GRB10: variants seen among roughly 807,000 people sequenced by gnomAD.
The protein encoded by GRB10 is growth factor receptor-bound protein 10.
A neutral mutation model predicts 80.9 loss-of-function variants in GRB10; 20 were observed. The observed-to-expected ratio is 0.25, with a 90% CI of 0.17 to 0.36. The LOEUF is 0.36. GRB10 is among the 10% of genes least tolerant of loss of function. The pLI, the probability that GRB10 is intolerant of heterozygous loss-of-function variation, is 1.00. For missense variants in GRB10, 548 were observed against 747.7 expected (o/e 0.73, Z 3.12); for synonymous variants, 291 against 291.5 (o/e 1.00, Z 0.02).
At chr7:50,645,179 C>T (rs180863342) in intron 7 of GRB10, among the ~76,000 whole-genome samples, 130 of 152,270 alleles carry the variant, frequency 8.5e-4, no homozygotes, top group African/African-American at 2.7e-3. Flanking sequence ...ATACAGTTGA[C>T]GCTAATAATC....
At chr7:50,616,419 T>G in intron 10 of GRB10, 72 bp from the exon 11 acceptor site, 1 of 1,377,276 alleles carries the variant, frequency 7.3e-7, no homozygotes, top group East Asian at 2.4e-5. Flanking sequence ...GTTATCAGCA[T>G]AGCTGACATT....
At chr7:50,597,904 C>G (rs1429160444) in intron 17 of GRB10, among the ~76,000 whole-genome samples, 1 of 152,160 alleles carries the variant, frequency 6.6e-6, no homozygotes, top group Non-Finnish European at 1.5e-5. Context: ...GCTCTTGTCA[C>G]CCAGGCTGGA....
intron 1 of GRB10, 104 bp from the exon 2 acceptor site, chr7:50,780,840 A>T: frequency 6.6e-6 from 1 of 152,206 alleles, no homozygotes; most frequent in Non-Finnish European, 1.5e-5. Flanking sequence ...TTGTGGGAAC[A>T]CAAGTGTCAG....
In GRB10 at chr7:50,619,242, A is replaced by T. The variant is rs764113295; in HGVS notation, c.705T>A (p.Ser235Arg). Residue 235 changes from serine to arginine, a missense_variant, in exon 9 of 19, where the codon AGT becomes AGA. Around this residue, in one of 4 missense-constraint regions of GRB10, gnomAD observed 270 missense variants for 433.6 expected, o/e 0.62. Transcript: ENST00000401949. ...EDHELVVQVE[S>R]TMASESKFLF... ...GAAATTTACTCTCACTGGCCATGGT[A>T]CTCTCCACCTGGACCACCAGCTCAT... 1.2e-6 allele frequency: 2 copies of T among 1,613,386 alleles called. No homozygotes were observed. The highest frequency in any genetic ancestry group is 1.3e-5 in the African/African-American group (1 of 74,900).
At chr7:50,637,697 G>T (rs1586118859) in intron 7 of GRB10, among the ~76,000 whole-genome samples, 1 of 133,562 alleles carries the variant, frequency 7.5e-6, no homozygotes, top group Admixed American at 8.1e-5. Flanking sequence ...TAGAAAAAAA[G>T]ATTGTAAAGT....
At chr7:50,700,821 G>A (rs1318784430) in intron 5 of GRB10, among the ~76,000 whole-genome samples, 2 of 152,182 alleles carry the variant, frequency 1.3e-5, no homozygotes, top group Non-Finnish European at 2.9e-5. Flanking sequence ...CTGGGTCAAA[G>A]AACAAGCATG....
chr7:50,638,459 A>G (rs1452303470), intron 7 of GRB10, among the ~76,000 whole-genome samples: 1 of 152,250 alleles, frequency 6.6e-6, no homozygotes, highest in Non-Finnish European at 1.5e-5. Context: ...TCAAAAGAAG[A>G]CATACAAGCG....
At chr7:50,614,305 A>G (rs1283479050) in intron 12 of GRB10, among the ~76,000 whole-genome samples, 2 of 152,178 alleles carry the variant, frequency 1.3e-5, no homozygotes, top group Non-Finnish European at 2.9e-5. Flanking sequence ...TGTGCATGCC[A>G]GCACACACAT....
intron 5 of GRB10, among the ~76,000 whole-genome samples, chr7:50,695,658 G>A (rs986788543): frequency 6.6e-6 from 1 of 152,056 alleles, no homozygotes; most frequent in African/African-American, 2.4e-5. Context: ...CTATACCGCT[G>A]CCAAAACCAA....
intron 7 of GRB10, among the ~76,000 whole-genome samples, chr7:50,668,368 T>G: frequency 3.9e-5 from 1 of 25,912 alleles, no homozygotes; most frequent in East Asian, 2.5e-3. Context: ...AAGGGCAAAA[T>G]GACTTCTAAA....
intron 3 of GRB10, among the ~76,000 whole-genome samples, chr7:50,752,277 T>G (rs1260609005): frequency 2.0e-5 from 3 of 151,964 alleles, no homozygotes; most frequent in Non-Finnish European, 4.4e-5. Flanking sequence ...TCAGGGAGGC[T>G]CAAGTTACAG....
chr7:50,697,608 A>G lies in GRB10; in HGVS notation c.139+6213T>C, dbSNP rs572703049. Among the ~76,000 whole-genome samples, 107 of 152,390 alleles carry G rather than the reference A, an allele frequency of 7.0e-4. 3 individuals are homozygous for G. The South Asian group carries it at 0.022, about 31-fold the overall frequency. On this transcript the variant is annotated intron_variant, in intron 5 of 18. Coordinates refer to ENST00000401949, the MANE Select transcript of GRB10 (RefSeq NM_001350814.2). ...ATCCAGGCCACTCTGGATCAAACATACCATGTAAAGCTACAGCCTATGATG... is the reference window on the plus strand; with the variant it reads ...ATCCAGGCCACTCTGGATCAAACATGCCATGTAAAGCTACAGCCTATGATG...
intron 4 of GRB10, among the ~76,000 whole-genome samples, chr7:50,728,223 G>C (rs966443924): frequency 1.5e-5 from 2 of 135,176 alleles, no homozygotes; most frequent in East Asian, 2.3e-4. Flanking sequence ...ATGGGGGGGG[G>C]GTGTAGTACT....
In GRB10 at chr7:50,782,732, C is replaced by A. The variant is rs1332131492; in HGVS notation, c.-635G>T. Reference sequence around the variant, plus strand: ...GTGGGATGCCGCGCCACCGCCCGAGCGTGCCCGGGGGCTCCCAGCGCCATC... The same window carrying A: ...GTGGGATGCCGCGCCACCGCCCGAGAGTGCCCGGGGGCTCCCAGCGCCATC... On this transcript the variant is annotated 5_prime_UTR_variant, in exon 1 of 19. Coordinates refer to ENST00000401949, the MANE Select transcript of GRB10 (RefSeq NM_001350814.2). This position sits in a 1 kb window ranked among gnomAD's most constrained non-coding sequence, Gnocchi z 6.6. The A allele has an allele frequency of 1.3e-5, 2 of 152,050 alleles. No individual in the cohort carries two copies. The allele number at this position is 152,050 out of a possible 1,614,324, so 9.4% of individuals were successfully genotyped here.
At chr7:50,601,929 A>T (rs772588166) in intron 17 of GRB10, among the ~76,000 whole-genome samples, 17 of 152,220 alleles carry the variant, frequency 1.1e-4, no homozygotes, top group Non-Finnish European at 2.4e-4. Flanking sequence ...ATGCTAGCTC[A>T]AAAGAACTCA....
chr7:50,640,741 A>C (rs1373575608), intron 7 of GRB10, among the ~76,000 whole-genome samples: 1 of 152,136 alleles, frequency 6.6e-6, no homozygotes, highest in East Asian at 1.9e-4. Context: ...TATCTCACTG[A>C]CCTCATCCAT....
intron 11 of GRB10, among the ~76,000 whole-genome samples, chr7:50,615,492 ACTTCCCAGAGCCGGCCCCAACAC>A (rs909489869): frequency 7.2e-5 from 11 of 152,238 alleles, no homozygotes; most frequent in South Asian, 2.1e-4. Context: ...GCAGCTGCTG[ACTTCCCAGAGCCGGCCCCAACAC>A]CTTCCCAGAG....
At chr7:50,714,469 C>T (rs967918587) in intron 4 of GRB10, among the ~76,000 whole-genome samples, 20 of 152,286 alleles carry the variant, frequency 1.3e-4, no homozygotes, top group Middle Eastern at 3.4e-3. Context: ...TGAGACCATT[C>T]TGGCTAACAC....
intron 4 of GRB10, chr7:50,729,200 G>A (rs1260298742): frequency 6.6e-6 from 1 of 152,056 alleles, no homozygotes; most frequent in Non-Finnish European, 1.5e-5. Context: ...TTTCTAAGAT[G>A]GCTCATTTCT....
Sources: allele counts gnomAD v4.1 joint callset (sites outside exome capture counted in the v4.1 genomes callset), GRCh38; gene constraint gnomAD v4.1.1; regional missense constraint gnomAD v4.1.1; non-coding constraint Gnocchi (gnomAD v3.1); transcripts MANE v1.5; gene names NCBI Gene and HGNC (gene_info 2026-07-23, HGNC 2026-07-21).